Variants in YEATS2 observed in about 807,000 individuals in gnomAD.
YEATS2 encodes YEATS domain-containing protein 2.
A neutral mutation model predicts 163.2 loss-of-function variants in YEATS2; 77 were observed. That is an observed-to-expected ratio of 0.47 (90% confidence interval 0.39 to 0.57). The LOEUF (loss-of-function observed/expected upper bound fraction) is 0.57, where lower values mean the gene tolerates loss of function less well. Ranked by LOEUF, YEATS2 falls within the 20% of genes least tolerant of loss-of-function variation. YEATS2 has a pLI of 0.00. For missense variants in YEATS2, 1,549 were observed against 1,729.8 expected, an observed-to-expected ratio of 0.90 and a Z score of 1.85; for synonymous variants, 631 against 645.1, an observed-to-expected ratio of 0.98 and a Z score of 0.33.
At chr3:183,773,522 T>G (rs1210486142) in intron 16 of YEATS2, 111 bp from the exon 17 acceptor site, 1 of 1,064,854 alleles carries the variant, frequency 9.4e-7, no homozygotes, top group Non-Finnish European at 1.3e-6. Context: ...AACTTTGAAT[T>G]TATTGCTTGT....
intron 18 of YEATS2, 76 bp from the exon 19 acceptor site, chr3:183,777,466 T>C: frequency 1.4e-6 from 2 of 1,478,428 alleles, no homozygotes; most frequent in South Asian, 2.6e-5. Flanking sequence ...ACGTTACATG[T>C]GATTTAAGGG....
At chr3:183,740,324 A>G (rs1205830865) in intron 8 of YEATS2, among the ~76,000 whole-genome samples, 3 of 152,202 alleles carry the variant, frequency 2.0e-5, no homozygotes, top group Admixed American at 6.5e-5. Flanking sequence ...AAAAGAAGAC[A>G]TTTATGCAGC....
chr3:183,775,577 G>A (rs975196169), intron 17 of YEATS2, among the ~76,000 whole-genome samples: 5 of 152,190 alleles, frequency 3.3e-5, no homozygotes, highest in African/African-American at 1.2e-4. Flanking sequence ...CCTGGCGACA[G>A]AGTGAGACTC....
intron 25 of YEATS2, chr3:183,802,168 G>A (rs953656901): frequency 6.6e-6 from 1 of 152,438 alleles, no homozygotes; most frequent in Non-Finnish European, 1.5e-5. Flanking sequence ...CTTAGCCCCA[G>A]TTGTTTTGAC....
intron 21 of YEATS2, among the ~76,000 whole-genome samples, chr3:183,794,549 C>T (rs1231047845): frequency 2.6e-5 from 4 of 152,150 alleles, no homozygotes; most frequent in Admixed American, 6.5e-5. Flanking sequence ...CAAAGACATT[C>T]CTAAAATATG....
At chr3:183,723,359 A>C (rs1488219914) in intron 5 of YEATS2, among the ~76,000 whole-genome samples, 2 of 152,228 alleles carry the variant, frequency 1.3e-5, no homozygotes, top group Non-Finnish European at 2.9e-5. Flanking sequence ...AAAATTTCCA[A>C]GTTACTTTCC....
At chr3:183,765,355 C>T (rs1292538315) in intron 15 of YEATS2, among the ~76,000 whole-genome samples, 1 of 152,164 alleles carries the variant, frequency 6.6e-6, no homozygotes, top group Non-Finnish European at 1.5e-5. Flanking sequence ...TATTGCCAAT[C>T]CACTCCTCCA....
intron 8 of YEATS2, among the ~76,000 whole-genome samples, chr3:183,740,264 A>G (rs907893249): frequency 6.6e-6 from 1 of 152,014 alleles, no homozygotes; most frequent in Admixed American, 6.6e-5. Context: ...CAAGAAAAAA[A>G]CAAACAACCC....
chr3:183,783,583 A>G (rs1377370672), intron 19 of YEATS2, among the ~76,000 whole-genome samples: 10 of 152,066 alleles, frequency 6.6e-5, no homozygotes, highest in Admixed American at 3.9e-4. Flanking sequence ...CTCAGTGTCT[A>G]TTGTGGCCAT....
At chr3:183,764,368 T>TAAAAAAAAAAAAAA (rs11452949) in intron 15 of YEATS2, among the ~76,000 whole-genome samples, 1 of 105,228 alleles carries the variant, frequency 9.5e-6, no homozygotes, top group Non-Finnish European at 1.8e-5. Context: ...AAACTCTGTT[T>TAAAAAAAAAAAAAA]AAAAAAAAAA....
At chr3:183,711,286 C>G (rs1317192877) in intron 1 of YEATS2, among the ~76,000 whole-genome samples, 1 of 151,670 alleles carries the variant, frequency 6.6e-6, no homozygotes, top group Non-Finnish European at 1.5e-5. Flanking sequence ...CTGGCTAACA[C>G]AGTAAAACCC....
chr3:183,712,311 C>T (rs972881311), intron 1 of YEATS2, among the ~76,000 whole-genome samples: 9 of 150,726 alleles, frequency 6.0e-5, no homozygotes, highest in Admixed American at 4.7e-4. Context: ...TGGGTTCAAG[C>T]GATTCTCATG....
At chr3:183,720,624 C>T (rs1716390801) in intron 4 of YEATS2, among the ~76,000 whole-genome samples, 1 of 152,152 alleles carries the variant, frequency 6.6e-6, no homozygotes, top group South Asian at 2.1e-4. Context: ...AAACGGTAGA[C>T]AGGTGCTTCT....
intron 19 of YEATS2, among the ~76,000 whole-genome samples, chr3:183,782,355 C>T (rs975022846): frequency 2.4e-4 from 36 of 150,484 alleles, no homozygotes; most frequent in Non-Finnish European, 3.4e-4. Flanking sequence ...GTGATCCACC[C>T]GCCTCAGCCT....
At chr3:183,798,087 C>T (rs755720675) in intron 22 of YEATS2, 36 bp downstream of exon 22, 3 of 1,610,144 alleles carry the variant, frequency 1.9e-6, no homozygotes, top group Non-Finnish European at 2.5e-6. Context: ...TGTGCTGTGG[C>T]TGCCTCCACA....
At chr3:183,793,865 G>A (rs562675373) in intron 21 of YEATS2, among the ~76,000 whole-genome samples, 24 of 151,946 alleles carry the variant, frequency 1.6e-4, no homozygotes, top group Non-Finnish European at 2.1e-4. Context: ...CGCCCGCCTC[G>A]GACTCCCAAA....
intron 21 of YEATS2, among the ~76,000 whole-genome samples, chr3:183,796,052 G>A (rs1725119662): frequency 6.7e-6 from 1 of 148,612 alleles, no homozygotes; most frequent in African/African-American, 2.5e-5. Flanking sequence ...GCGTGATCTC[G>A]GCCTACTGAA....
chr3:183,760,539 C>T (rs1721241264), intron 13 of YEATS2, among the ~76,000 whole-genome samples: 1 of 152,106 alleles, frequency 6.6e-6, no homozygotes, highest in African/African-American at 2.4e-5. Context: ...TCAGGCTGGT[C>T]TCGAACTCCT....
chr3:183,771,952 C>T (rs757839055), intron 15 of YEATS2, among the ~76,000 whole-genome samples: 1 of 152,060 alleles, frequency 6.6e-6, no homozygotes, highest in Non-Finnish European at 1.5e-5. Flanking sequence ...GTCTCGAACT[C>T]CTGACCACAA....
Sources: allele counts gnomAD v4.1 joint callset (sites outside exome capture counted in the v4.1 genomes callset), GRCh38; gene constraint gnomAD v4.1.1; transcripts MANE v1.5; gene names NCBI Gene and HGNC (gene_info 2026-07-23, HGNC 2026-07-21).